NCOA2: variants seen among roughly 807,000 people sequenced by gnomAD.
NCOA2 encodes nuclear receptor coactivator 2.
NCOA2 carries 21 observed loss-of-function variants against 145.1 expected under a neutral mutation model. The observed-to-expected ratio is 0.14, with a 90% CI of 0.10 to 0.21. The LOEUF is 0.21. Among genes scored for constraint, NCOA2 ranks in the 10% least tolerant of loss-of-function variants. The probability of loss-of-function intolerance (pLI) is 1.00; values close to 1 mark genes in which losing one functional copy is unlikely to be tolerated. For missense variants in NCOA2, 1,472 were observed against 1,837.6 expected (o/e 0.80, Z 3.64); for synonymous variants, 619 against 637.5 (o/e 0.97, Z 0.44).
At chr8:70,189,064 C>T (rs1276635287) in intron 4 of NCOA2, among the ~76,000 whole-genome samples, 2 of 151,962 alleles carry the variant, frequency 1.3e-5, no homozygotes, top group African/African-American at 2.4e-5. Context: ...TTCTTTCTTC[C>T]TTTTTTGCCA....
At chr8:70,413,623 G>T in the NCOA2 span, among the ~76,000 whole-genome samples, 1 of 152,126 alleles carries the variant, frequency 6.6e-6, no homozygotes, top group African/African-American at 2.4e-5. Context: ...CACTTCTTTT[G>T]AAATAGGCTT....
chr8:70,125,172 T>C (rs1808275185), intron 19 of NCOA2, among the ~76,000 whole-genome samples: 1 of 151,952 alleles, frequency 6.6e-6, no homozygotes, highest in African/African-American at 2.4e-5. Flanking sequence ...AAATCAAGAA[T>C]GAGTCACATA....
chr8:70,196,405 C>T (rs1242950086), intron 4 of NCOA2, among the ~76,000 whole-genome samples: 1 of 151,988 alleles, frequency 6.6e-6, no homozygotes, highest in African/African-American at 2.4e-5. Flanking sequence ...TAAAAAATAA[C>T]CTTTCCTTTT....
chr8:70,226,204 C>T (rs1363063383), intron 2 of NCOA2, among the ~76,000 whole-genome samples: 1 of 151,662 alleles, frequency 6.6e-6, no homozygotes, highest in Non-Finnish European at 1.5e-5. Flanking sequence ...TTGTATTTTC[C>T]AAATTCCCTT....
intron 2 of NCOA2, among the ~76,000 whole-genome samples, chr8:70,293,081 C>T (rs1346012339): frequency 1.3e-5 from 2 of 152,032 alleles, no homozygotes; most frequent in Admixed American, 6.5e-5. Flanking sequence ...CAGTGCCTAC[C>T]ATGCTGTCAT....
At chr8:70,366,175 A>G (rs1810670043) in intron 1 of NCOA2, among the ~76,000 whole-genome samples, 1 of 152,202 alleles carries the variant, frequency 6.6e-6, no homozygotes, top group Admixed American at 6.5e-5. Flanking sequence ...CCAATTCCAA[A>G]GATCCCACGA....
intron 1 of NCOA2, among the ~76,000 whole-genome samples, chr8:70,392,410 A>C (rs1351918008): frequency 6.6e-6 from 1 of 152,258 alleles, no homozygotes; most frequent in African/African-American, 2.4e-5. Flanking sequence ...TATTCTGCAA[A>C]TAAAAACATC....
chr8:70,422,401 G>GTTT, the NCOA2 span, among the ~76,000 whole-genome samples: 1 of 144,874 alleles, frequency 6.9e-6, no homozygotes, highest in Non-Finnish European at 1.5e-5. Flanking sequence ...AAAATGCTGT[G>GTTT]TTTTTTTTTT....
At chr8:70,208,867 A>C (rs1017875443) in intron 4 of NCOA2, among the ~76,000 whole-genome samples, 20 of 152,258 alleles carry the variant, frequency 1.3e-4, no homozygotes, top group Non-Finnish European at 1.2e-4. Context: ...AAGATGTACA[A>C]GGCCAAAAAT....
chr8:70,160,672 AGAGAGAGAGG>A (rs1490509584), intron 9 of NCOA2, among the ~76,000 whole-genome samples: 3 of 144,770 alleles, frequency 2.1e-5, no homozygotes, highest in African/African-American at 8.5e-5. Context: ...AGAGAGAGAG[AGAGAGAGAGG>A]GAGAGAGAGA....
chr8:70,208,743 T>TA (rs982177942), intron 4 of NCOA2, among the ~76,000 whole-genome samples: 2 of 152,244 alleles, frequency 1.3e-5, no homozygotes, highest in African/African-American at 4.8e-5. Context: ...TTGTTTATAG[T>TA]ATGGTTTACT....
At chr8:70,169,329 G>T (rs1277594846) in intron 6 of NCOA2, among the ~76,000 whole-genome samples, 1 of 152,202 alleles carries the variant, frequency 6.6e-6, no homozygotes, top group Non-Finnish European at 1.5e-5. Context: ...TAAGGCAGCG[G>T]CATCTGGTGA....
At chr8:70,399,114 TTTTC>T (rs1327716083) in intron 1 of NCOA2, among the ~76,000 whole-genome samples, 3 of 152,358 alleles carry the variant, frequency 2.0e-5, no homozygotes, top group East Asian at 1.9e-4. Flanking sequence ...TAAAGATGTG[TTTTC>T]TTTATGATGT....
chr8:70,408,105 G>A (rs148182359), upstream of NCOA2, among the ~76,000 whole-genome samples: 374 of 152,112 alleles, frequency 2.5e-3, no homozygotes, highest in African/African-American at 8.1e-3. Context: ...TCATTCCAGG[G>A]TATTCTGAGT....
intron 2 of NCOA2, among the ~76,000 whole-genome samples, chr8:70,243,763 A>C (rs1479201039): frequency 6.7e-6 from 1 of 150,084 alleles, no homozygotes; most frequent in African/African-American, 2.5e-5. Context: ...CATGAGAGTT[A>C]CTGAAAGAGC....
At chr8:70,169,238 GTGTGTCCTTAA>G (rs1351390231) in intron 6 of NCOA2, among the ~76,000 whole-genome samples, 2 of 152,306 alleles carry the variant, frequency 1.3e-5, no homozygotes, top group East Asian at 3.9e-4. Flanking sequence ...CCACTGCACA[GTGTGTCCTTAA>G]TCATCACGTA....
chr8:70,317,760 A>C (rs1191562749), intron 1 of NCOA2, among the ~76,000 whole-genome samples: 1 of 152,122 alleles, frequency 6.6e-6, no homozygotes, highest in Non-Finnish European at 1.5e-5. Flanking sequence ...GGTATGTAGA[A>C]GCTTCTAAAA....
chr8:70,113,680 T>G, intron 22 of NCOA2, 37 bp from the exon 23 acceptor site: 1 of 1,548,260 alleles, frequency 6.5e-7, no homozygotes, highest in Admixed American at 2.0e-5. Context: ...GAAACATCTT[T>G]GAGGTTTTGA....
the NCOA2 span, among the ~76,000 whole-genome samples, chr8:70,410,776 G>A: frequency 1.3e-5 from 2 of 152,214 alleles, no homozygotes; most frequent in South Asian, 2.1e-4. Context: ...AATTTTAGAA[G>A]CATTTTGCTA....
Sources: gnomAD v4.1 joint callset for allele counts (sites outside exome capture counted in the v4.1 genomes callset) on GRCh38, gnomAD v4.1.1 for gene constraint, MANE v1.5 for transcripts, NCBI Gene and HGNC (gene_info 2026-07-23, HGNC 2026-07-21) for gene names.